Variants in ERC2 observed in about 807,000 individuals in gnomAD.
ERC2 encodes the protein ERC protein 2.
ERC2 carries 42 observed loss-of-function variants against 114.8 expected under a neutral mutation model. The ratio of observed to expected loss-of-function variants is 0.37; its 90% CI spans 0.29 to 0.47. The LOEUF (loss-of-function observed/expected upper bound fraction) is 0.47. Ranked by LOEUF, ERC2 falls within the 20% of genes least tolerant of loss-of-function variation. The probability of loss-of-function intolerance (pLI) is 0.99; values close to 1 mark genes in which losing one functional copy is unlikely to be tolerated. For missense variants in ERC2, 939 were observed against 1,150.7 expected (o/e 0.82, Z 2.66); for synonymous variants, 454 against 425.5 (o/e 1.07, Z -0.82).
chr3:55,699,671 C>T (rs2063122132), intron 15 of ERC2, among the ~76,000 whole-genome samples, 159 bp from the exon 16 acceptor site: 1 of 152,192 alleles, frequency 6.6e-6, no homozygotes, highest in Non-Finnish European at 1.5e-5. Context: ...AGCACCATGA[C>T]ATTAACTTTG....
At chr3:56,211,767 G>C (rs1172454967) in intron 3 of ERC2, among the ~76,000 whole-genome samples, 1 of 152,126 alleles carries the variant, frequency 6.6e-6, no homozygotes, top group Non-Finnish European at 1.5e-5. Context: ...TAGACCAATG[G>C]AACAGAATAG....
chr3:56,099,617 G>T (rs944613387), intron 6 of ERC2, among the ~76,000 whole-genome samples: 5 of 152,196 alleles, frequency 3.3e-5, no homozygotes, highest in African/African-American at 9.7e-5. Context: ...GATCTCCACA[G>T]TGGGCAGACA....
intron 4 of ERC2, among the ~76,000 whole-genome samples, chr3:56,168,006 C>T (rs1410064325): frequency 6.6e-6 from 1 of 152,104 alleles, no homozygotes; most frequent in Non-Finnish European, 1.5e-5. Context: ...CCTCAATGCA[C>T]AATTTCCAAA....
At chr3:55,751,015 ATGT>A (rs888709037) in intron 14 of ERC2, among the ~76,000 whole-genome samples, 1 of 152,246 alleles carries the variant, frequency 6.6e-6, no homozygotes, top group African/African-American at 2.4e-5. Flanking sequence ...TAGCAAGCAT[ATGT>A]TGTTGGCAAA....
intron 17 of ERC2, among the ~76,000 whole-genome samples, chr3:55,525,965 T>C (rs2053285214): frequency 6.6e-6 from 1 of 152,044 alleles, no homozygotes; most frequent in Non-Finnish European, 1.5e-5. Context: ...GGAAATAGGG[T>C]CTTTGCAGAT....
intron 14 of ERC2, among the ~76,000 whole-genome samples, chr3:55,870,263 T>C (rs1396533572): frequency 1.3e-5 from 2 of 152,036 alleles, no homozygotes; most frequent in Non-Finnish European, 2.9e-5. Context: ...TTAGTAGAGA[T>C]GGGGTTTCAT....
At chr3:55,680,610 T>C (rs571571944) in intron 17 of ERC2, among the ~76,000 whole-genome samples, 4 of 152,344 alleles carry the variant, frequency 2.6e-5, no homozygotes, top group African/African-American at 9.6e-5. Flanking sequence ...GAGCACATTT[T>C]CACAATTGAA....
In ERC2 at chr3:55,614,374, G is replaced by A. The variant is rs182160940; in HGVS notation, c.*39+69420C>T. Reference sequence around the variant, plus strand: ...GGTATTCTTTTTCTCTGAGTACAAGGAAAAAAGGCATTTGGTAGGGACAGG... The same window carrying A: ...GGTATTCTTTTTCTCTGAGTACAAGAAAAAAAGGCATTTGGTAGGGACAGG... On this transcript the variant is annotated intron_variant, in intron 17 of 17. Transcript: ENST00000288221. Among the ~76,000 whole-genome samples the A allele has an allele frequency of 2.6e-3, 391 of 152,100 alleles. 4 individuals carry two copies. The highest frequency in any genetic ancestry group is 8.9e-3 in the African/African-American group (370 of 41,502).
intron 6 of ERC2, among the ~76,000 whole-genome samples, chr3:56,114,419 C>G (rs73091231): frequency 0.17 from 26,216 of 151,932 alleles, 2,456 homozygotes; most frequent in African/African-American, 0.23. Context: ...TCAACCCTTA[C>G]GAAAGAAAGT....
At chr3:55,577,389 TAAG>T (rs1429335133) in intron 17 of ERC2, among the ~76,000 whole-genome samples, 2 of 152,078 alleles carry the variant, frequency 1.3e-5, no homozygotes, top group Non-Finnish European at 2.9e-5. Flanking sequence ...GTAAAAATAA[TAAG>T]GTTATATCCT....
intron 15 of ERC2, among the ~76,000 whole-genome samples, chr3:55,720,866 C>A (rs948387466): frequency 6.6e-6 from 1 of 152,214 alleles, no homozygotes; most frequent in Non-Finnish European, 1.5e-5. Flanking sequence ...CAACTAAGAT[C>A]AGCATCTTGT....
rs867037077 is a variant in ERC2, at chr3:55,817,949, T to A, written c.2564+70440A>T. 1.1e-4 allele frequency among the ~76,000 whole-genome samples: 17 copies of A among 152,356 alleles called. No homozygotes were observed. The South Asian group carries it at 1.7e-3, about 15-fold the overall frequency. On this transcript the variant is annotated intron_variant, in intron 14 of 17. Coordinates refer to ENST00000288221, the MANE Select transcript of ERC2 (RefSeq NM_015576.3). ...TTAAAGGAACAGCCTTCCAGTTCTC[T>A]GACTGGATGAAGTCTCAAACTTGGC...
chr3:56,378,997 G>A (rs1017134354), intron 2 of ERC2, among the ~76,000 whole-genome samples: 3 of 152,138 alleles, frequency 2.0e-5, no homozygotes, highest in Admixed American at 6.5e-5. Flanking sequence ...TTTCAATAAC[G>A]TATTTTATTT....
intron 3 of ERC2, among the ~76,000 whole-genome samples, chr3:56,239,454 C>T (rs1011000578): frequency 4.6e-5 from 7 of 151,620 alleles, no homozygotes; most frequent in African/African-American, 7.3e-5. Context: ...TGCAGTGGGC[C>T]GAGATCCCAC....
intron 15 of ERC2, among the ~76,000 whole-genome samples, chr3:55,700,853 G>A (rs1225758890): frequency 6.6e-6 from 1 of 152,094 alleles, no homozygotes; most frequent in East Asian, 1.9e-4. Flanking sequence ...ATCTCGCATA[G>A]GGCCTAGCAG....
intron 14 of ERC2, among the ~76,000 whole-genome samples, chr3:55,795,634 G>C (rs1291706047): frequency 2.0e-5 from 3 of 152,166 alleles, no homozygotes; most frequent in African/African-American, 4.8e-5. Context: ...GGGTGGCTTT[G>C]TTCTTCAACT....
At chr3:55,742,150 A>G (rs2066002072) in intron 14 of ERC2, among the ~76,000 whole-genome samples, 1 of 151,756 alleles carries the variant, frequency 6.6e-6, no homozygotes, top group Admixed American at 6.6e-5. Context: ...GCTGAAGGGC[A>G]TCTCCTGCCA....
intron 12 of ERC2, among the ~76,000 whole-genome samples, chr3:55,953,077 C>T (rs1233746928): frequency 6.6e-6 from 1 of 151,886 alleles, no homozygotes; most frequent in African/African-American, 2.4e-5. Context: ...TGGTGGCAGG[C>T]ACCTGTAGTC....
intron 6 of ERC2, among the ~76,000 whole-genome samples, chr3:56,093,332 T>C (rs1285778851): frequency 2.0e-5 from 3 of 152,234 alleles, no homozygotes; most frequent in African/African-American, 7.2e-5. Context: ...GATTTCAATA[T>C]AGCCTTTGTG....
Sources: allele counts gnomAD v4.1 joint callset (sites outside exome capture counted in the v4.1 genomes callset), GRCh38; gene constraint gnomAD v4.1.1; transcripts MANE v1.5; gene names NCBI Gene and HGNC (gene_info 2026-07-23, HGNC 2026-07-21).